PCDH1: variants seen among roughly 807,000 people sequenced by gnomAD.
PCDH1 encodes the protein protocadherin-1.
PCDH1 carries 23 observed loss-of-function variants against 74.6 expected under a neutral mutation model. That is an observed-to-expected ratio of 0.31 (90% confidence interval 0.22 to 0.44). PCDH1 has a LOEUF of 0.44. PCDH1 is among the 20% of genes least tolerant of loss of function. PCDH1 has a pLI of 1.00. For synonymous variants in PCDH1, 647 were observed against 686.1 expected (o/e 0.94, Z 0.89); for missense variants, 1,214 against 1,641.4 (o/e 0.74, Z 4.50).
At chr5:141,862,622 T>A in intron 3 of PCDH1, 1 of 985,582 alleles carries the variant, frequency 1.0e-6, no homozygotes, top group Non-Finnish European at 1.2e-6. Flanking sequence ...TCGCTGCTTC[T>A]CTCAGTTCCA....
In PCDH1 at chr5:141,863,179, T is replaced by C; in HGVS notation, c.3099+53A>G. The C allele has an allele frequency of 6.6e-7, 1 of 1,506,896 alleles. No homozygotes were observed. Among genetic ancestry groups the C allele is most frequent in the Non-Finnish European group, 8.9e-7 (1 of 1,125,664 alleles). 93.3% of individuals were successfully genotyped at this position (1,506,896 alleles called of 1,614,324 possible). On this transcript the variant is annotated intron_variant, in intron 3 of 4. Coordinates refer to ENST00000287008, the MANE Select transcript of PCDH1 (RefSeq NM_032420.5). This position sits in a 1 kb window ranked among gnomAD's most constrained non-coding sequence, Gnocchi z 7.5. Reference sequence around the variant, plus strand: ...CCACACCTCGGTCCAGATGGCTCCGTGGTAGGGGTGGGGTAGGGGCTGGGG... The same window carrying C: ...CCACACCTCGGTCCAGATGGCTCCGCGGTAGGGGTGGGGTAGGGGCTGGGG...
chr5:141,876,718 G>A (rs1265206461), intron 1 of PCDH1, among the ~76,000 whole-genome samples: 2 of 152,126 alleles, frequency 1.3e-5, no homozygotes, highest in Non-Finnish European at 2.9e-5. Context: ...CGCACACACT[G>A]GCCTACAGCG....
chr5:141,873,272 C>T (rs1289873068), intron 1 of PCDH1, among the ~76,000 whole-genome samples: 10 of 151,032 alleles, frequency 6.6e-5, no homozygotes, highest in African/African-American at 1.2e-4. Context: ...ACTACAGGCA[C>T]GTGCCACCAC....
Position 141,853,998 on chromosome 5 carries a change from TGGCCGGC to T in PCDH1, c.*37_*43del, listed in dbSNP as rs768128398. ...GCCCTGGAATGGGCCATTTGGGAGC[TGGCCGGC>T]GGCTGGGGGAGGGGGGCCGGCCGGC... On this transcript the variant is annotated 3_prime_UTR_variant, in exon 5 of 5. Transcript: ENST00000287008. 1 of 1,456,184 alleles carries T rather than the reference TGGCCGGC, an allele frequency of 6.9e-7. No homozygotes were observed. The highest frequency in any genetic ancestry group is 2.7e-5 in the Admixed American group (1 of 36,482). The allele number at this position is 1,456,184 out of a possible 1,614,324, so 90.2% of individuals were successfully genotyped here.
At position 141,864,026 on chromosome 5, in the gene PCDH1, A is replaced by C; in HGVS notation, c.2305T>G (p.Ser769Ala). The change falls in exon 3 of 5, where the codon TCA becomes GCA. Residue 769 changes from serine to alanine, a missense_variant. Physicochemically the swap from Ser to Ala is moderately conservative, Grantham distance 99. Transcript: ENST00000287008. This position sits in a 1 kb window ranked among gnomAD's most constrained non-coding sequence, Gnocchi z 5.9. ...GNPYGLFQIGSHSGAITLEKE... is the reference protein window; with the variant it reads ...GNPYGLFQIGAHSGAITLEKE... Reference sequence around the variant, plus strand: ...TCCAGGGTGATGGCACCTGAATGTGACCCAATCTGGAAGAGTCCATAAGGG... The same window carrying C: ...TCCAGGGTGATGGCACCTGAATGTGCCCCAATCTGGAAGAGTCCATAAGGG... 6.2e-7 allele frequency: 1 copy of C among 1,613,930 alleles called. No individual in the cohort carries two copies. The highest frequency in any genetic ancestry group is 8.5e-7 in the Non-Finnish European group (1 of 1,179,976).
In PCDH1 at chr5:141,853,690, G is replaced by A. The variant is rs970169671; in HGVS notation, c.*352C>T. On this transcript the variant is annotated 3_prime_UTR_variant, in exon 5 of 5. Transcript: ENST00000287008. ...TGGTCGGCCATGAGGGAAACAATGA[G>A]TTAGAAGTACGCTGCCCACCCTTGA... The A allele has an allele frequency of 1.2e-4, 26 of 213,644 alleles. No homozygotes were observed. Among genetic ancestry groups the A allele is most frequent in the Non-Finnish European group, 1.0e-4 (11 of 108,206 alleles). The allele number at this position is 213,644 out of a possible 1,614,324, so 13.2% of individuals were successfully genotyped here.
In PCDH1 at chr5:141,868,026, TAC is replaced by T. The variant is rs1752926037; in HGVS notation, c.903+541_903+542del. 6.6e-6 allele frequency among the ~76,000 whole-genome samples: 1 copy of T among 152,212 alleles called. No homozygotes were observed. Among genetic ancestry groups the T allele is most frequent in the Admixed American group, 6.5e-5 (1 of 15,288 alleles). ...CCATGCCTAGGGGAGGAGGCATGTA[TAC>T]AGACACCCTAGTATGTTTTTTCAGA... On this transcript the variant is annotated intron_variant, in intron 2 of 4. Transcript: ENST00000287008. This position sits in a 1 kb window ranked among gnomAD's most constrained non-coding sequence, Gnocchi z 4.8.
Position 141,865,485 on chromosome 5 carries a change from A to C in PCDH1, c.904-58T>G. 1 of 1,549,132 alleles carries C rather than the reference A, an allele frequency of 6.5e-7. No individual in the cohort carries two copies. The highest frequency in any genetic ancestry group is 8.7e-7 in the Non-Finnish European group (1 of 1,144,982). On this transcript the variant is annotated intron_variant, in intron 2 of 4. Coordinates refer to ENST00000287008, the MANE Select transcript of PCDH1 (RefSeq NM_032420.5). The surrounding 1 kb of genome is among the most constrained non-coding windows in gnomAD (Gnocchi z 4.4). Reference sequence around the variant, plus strand: ...GAGATGGTTTAGATCAGGGATAGCAAATAAAGGGGCACACATGCTGCCAAT... The same window carrying C: ...GAGATGGTTTAGATCAGGGATAGCACATAAAGGGGCACACATGCTGCCAAT...
chr5:141,869,042 C>A lies in PCDH1; in HGVS notation c.430G>T (p.Val144Leu). 2 of 1,614,066 alleles carry A rather than the reference C, an allele frequency of 1.2e-6. No individual in the cohort carries two copies. Among genetic ancestry groups the A allele is most frequent in the East Asian group, 2.2e-5 (1 of 44,850 alleles). Residue 144 changes from valine (V) to leucine (L), a missense_variant, in exon 2 of 5, where the codon GTG becomes TTG. Physicochemically the swap from Val to Leu is conservative, Grantham distance 32. Around this residue, in one of 4 missense-constraint regions of PCDH1, gnomAD observed 97 missense variants for 173.2 expected, o/e 0.56. Transcript: ENST00000287008. This position sits in a 1 kb window ranked among gnomAD's most constrained non-coding sequence, Gnocchi z 4.9. ...AGCAGCCGGGGGCTGCCATTCTGCA[C>A]GAGGTCTGTGATAGATACCTCAAAC... is the stretch of plus-strand genomic sequence containing the variant. The part of the protein sequence containing the change: ...LEFEVSITDL[V>L]QNGSPRLLEG...
Position 141,863,451 on chromosome 5 carries a change from T to G in PCDH1, c.2880A>C (p.Pro960=), listed in dbSNP as rs372187778. Reference sequence around the variant, plus strand: ...AGTGGCGGCCCAGGTCAGGGCTGCCTGGTGGGTAGTTGAGGGGCAGGTGGA... The same window carrying G: ...AGTGGCGGCCCAGGTCAGGGCTGCCGGGTGGGTAGTTGAGGGGCAGGTGGA... ...PRIHLPLNYP[P]GSPDLGRHYR... The change falls in exon 3 of 5, where the codon CCA becomes CCC. Residue 960 remains proline, a synonymous_variant. Transcript: ENST00000287008. This position sits in a 1 kb window ranked among gnomAD's most constrained non-coding sequence, Gnocchi z 7.5. 6 of 1,574,736 alleles carry G rather than the reference T, an allele frequency of 3.8e-6. No individual in the cohort carries two copies. The South Asian group carries it at 7.2e-5, about 19-fold the overall frequency.
In PCDH1 at chr5:141,853,971, A is replaced by G; in HGVS notation, c.*71T>C. The G allele has an allele frequency of 7.5e-7, 1 of 1,332,420 alleles. No individual in the cohort carries two copies. The highest frequency in any genetic ancestry group is 1.0e-6 in the Non-Finnish European group (1 of 994,726). 82.5% of individuals were successfully genotyped at this position (1,332,420 alleles called of 1,614,324 possible). A position where few individuals can be genotyped will look rare whatever the true frequency, so the allele number is the denominator to read the frequency against. On this transcript the variant is annotated 3_prime_UTR_variant, in exon 5 of 5. Transcript: ENST00000287008. ...GTCCACGCTGAAGGGGTGGAGAGTG[A>G]GGCCCTGGAATGGGCCATTTGGGAG...
intron 2 of PCDH1, among the ~76,000 whole-genome samples, chr5:141,867,960 C>A (rs1156912467): frequency 6.6e-6 from 1 of 152,218 alleles, no homozygotes; most frequent in Non-Finnish European, 1.5e-5. Context: ...TGACCCCCCA[C>A]TGAACCCCAC....
At chr5:141,862,083 G>T (rs916178732) in intron 3 of PCDH1, among the ~76,000 whole-genome samples, 1 of 152,194 alleles carries the variant, frequency 6.6e-6, no homozygotes, top group African/African-American at 2.4e-5. Context: ...TGGTGATCAT[G>T]GTGGGGAGAC....
chr5:141,862,186 A>G (rs1289842438), intron 3 of PCDH1, among the ~76,000 whole-genome samples: 4 of 152,140 alleles, frequency 2.6e-5, no homozygotes, highest in Non-Finnish European at 5.9e-5. Flanking sequence ...CCCTGGGGGA[A>G]GGTGGCTGGT....
intron 1 of PCDH1, among the ~76,000 whole-genome samples, chr5:141,873,338 C>A (rs1002372767): frequency 6.8e-6 from 1 of 147,108 alleles, no homozygotes; most frequent in Admixed American, 6.9e-5. Context: ...CGGGGTTTCA[C>A]CGTGTTGGCC....
rs1188382427 is a variant in PCDH1 at position 141,863,892 on chromosome 5, A to G, written c.2439T>C (p.Asn813=). The change falls in exon 3 of 5, where the codon AAT becomes AAC. Residue 813 remains asparagine, a synonymous_variant. Coordinates refer to ENST00000287008, the MANE Select transcript of PCDH1 (RefSeq NM_032420.5). The surrounding 1 kb of genome is among the most constrained non-coding windows in gnomAD (Gnocchi z 7.5). ...GCAGCGTGCGGTTGGCCAGAGTCTC[A>G]TTGACATAAAGATGGACCAAGGCTG... The part of the protein sequence containing the change: ...YGTALVHLYV[N]ETLANRTLLE... The G allele has an allele frequency of 1.9e-6, 3 of 1,613,910 alleles. No individual in the cohort carries two copies. In the African/African-American group the frequency reaches 4.0e-5, roughly 22 times the overall value.
At position 141,865,527 on chromosome 5, in the gene PCDH1, A is replaced by C; in HGVS notation, c.904-100T>G. ...GCTGCCAATGTCCTTTCCAACAAGC[A>C]TGGCAGACACAGCCAATCCAACATC... is the stretch of plus-strand genomic sequence containing the variant. On this transcript the variant is annotated intron_variant, in intron 2 of 4. Coordinates refer to ENST00000287008, the MANE Select transcript of PCDH1 (RefSeq NM_032420.5). This position sits in a 1 kb window ranked among gnomAD's most constrained non-coding sequence, Gnocchi z 4.4. 7.5e-7 allele frequency: 1 copy of C among 1,337,470 alleles called. No individual in the cohort carries two copies. Among genetic ancestry groups the C allele is most frequent in the Non-Finnish European group, 1.0e-6 (1 of 970,916 alleles). The allele number at this position is 1,337,470 out of a possible 1,614,324, so 82.9% of individuals were successfully genotyped here. A position where few individuals can be genotyped will look rare whatever the true frequency, so the allele number is the denominator to read the frequency against.
At chr5:141,856,120 G>A (rs958222035) in intron 4 of PCDH1, 2 of 1,099,598 alleles carry the variant, frequency 1.8e-6, no homozygotes, top group African/African-American at 1.5e-5. Context: ...AGCAGAGTTG[G>A]GGGACGCAAC....
In PCDH1 at chr5:141,869,520, C is replaced by T. The variant is rs774101185; in HGVS notation, c.41-89G>A. 4.7e-5 allele frequency: 73 copies of T among 1,550,560 alleles called. No homozygotes were observed. The highest frequency in any genetic ancestry group is 6.1e-5 in the Non-Finnish European group (71 of 1,155,014). On this transcript the variant is annotated intron_variant, in intron 1 of 4. Transcript: ENST00000287008. This position sits in a 1 kb window ranked among gnomAD's most constrained non-coding sequence, Gnocchi z 4.9. ...CCAGAGCTGGCCCCATACTCACCCT[C>T]TCCCACTGACACACGATTCTCCACA...
Sources: allele counts gnomAD v4.1 joint callset (sites outside exome capture counted in the v4.1 genomes callset), GRCh38; gene constraint gnomAD v4.1.1; regional missense constraint gnomAD v4.1.1; non-coding constraint Gnocchi (gnomAD v3.1); transcripts MANE v1.5; gene names NCBI Gene and HGNC (gene_info 2026-07-23, HGNC 2026-07-21).